The following NSUN5 variants were observed in gnomAD, a reference collection of about 807,000 sequenced individuals.
NSUN5 encodes the protein 28S rRNA (cytosine-C(5))-methyltransferase.
A neutral mutation model predicts 51.1 loss-of-function variants in NSUN5; 39 were observed. The ratio of observed to expected loss-of-function variants is 0.76; its 90% CI spans 0.59 to 1.00. NSUN5 has a LOEUF of 1.00. NSUN5 is among the 50% of genes least tolerant of loss of function. The pLI is 0.00. For synonymous variants in NSUN5, 266 were observed against 271.5 expected (o/e 0.98, Z 0.20); for missense variants, 526 against 614.0 (o/e 0.86, Z 1.51).
Position 73,303,626 on chromosome 7 carries a change from A to G in NSUN5, c.1260T>C (p.Ala420=). The change falls in exon 9 of 10, where the codon GCT becomes GCC. Residue 420 remains alanine, a synonymous_variant. Transcript: ENST00000438747. ...TTGGCACCTCGACCCGTTCAATTAC[A>G]GCAACGAAGAAGCCACTGCTGAGTG... ...ETTLSSGFFV[A]VIERVEVPSS... 4 of 1,614,190 alleles carry G rather than the reference A, an allele frequency of 2.5e-6. No individual in the cohort carries two copies. The highest frequency in any genetic ancestry group is 3.4e-6 in the Non-Finnish European group (4 of 1,180,022).
In NSUN5 at chr7:73,304,055, C is replaced by T. The variant is rs782512255; in HGVS notation, c.935-19G>A. ...GGCATACCTAAGGAAAAGAGTGTCT[C>T]TGTTACATAGCTTCACAGGCTACCT... On this transcript the variant is annotated intron_variant, in intron 7 of 9. Transcript: ENST00000438747. 1 of 1,612,426 alleles carries T rather than the reference C, an allele frequency of 6.2e-7. No homozygotes were observed. The highest frequency in any genetic ancestry group is 1.7e-5 in the Admixed American group (1 of 60,006).
Position 73,303,657 on chromosome 7 carries a change from T to C in NSUN5, c.1229A>G (p.Glu410Gly). The C allele has an allele frequency of 6.2e-7, 1 of 1,614,114 alleles. No homozygotes were observed. The highest frequency in any genetic ancestry group is 8.5e-7 in the Non-Finnish European group (1 of 1,180,004). ...GAAGAAGCCACTGCTGAGTGTGGTC[T>C]CAGGGGAGGCCCGGAGGCAGTGCTC... is the stretch of plus-strand genomic sequence containing the variant. ...GAEHCLRASP[E>G]TTLSSGFFVA... The change falls in exon 9 of 10, where the codon GAG becomes GGG. Residue 410 changes from glutamate (E) to glycine (G), a missense_variant. Physicochemically the swap from Glu to Gly is moderately conservative, Grantham distance 98. Transcript: ENST00000438747.
intron 6 of NSUN5, 118 bp from the exon 7 acceptor site, chr7:73,304,526 G>A: frequency 9.3e-7 from 1 of 1,071,110 alleles, no homozygotes; most frequent in Non-Finnish European, 1.4e-6. Flanking sequence ...ACGTTTAAAG[G>A]GCTCACAGTC....
rs559140138 is a variant in NSUN5, at chr7:73,303,354, C to T, written c.*61G>A. 33 of 1,613,890 alleles carry T rather than the reference C, an allele frequency of 2.0e-5. No homozygotes were observed. The Admixed American group carries it at 2.2e-4, about 11-fold the overall frequency. ...CTTCCTGCGGTGAGGGCCCAGGGTC[C>T]TCCACGGAGAGGACAGGCATCTTCC... On this transcript the variant is annotated 3_prime_UTR_variant, in exon 10 of 10. Transcript: ENST00000438747.
Position 73,303,698 on chromosome 7 carries a change from G to A in NSUN5, c.1188C>T (p.Ser396=). ...ALPAWPHRGL[S]TFPGAEHCLR... Reference sequence around the variant, plus strand: ...GGCAGTGCTCGGCACCCGGGAACGTGCTCAGGCCTCGGTGGGGCCAGGCAG... The same window carrying A: ...GGCAGTGCTCGGCACCCGGGAACGTACTCAGGCCTCGGTGGGGCCAGGCAG... The change falls in exon 9 of 10, where the codon AGC becomes AGT. Residue 396 remains serine (S), a synonymous_variant. Transcript: ENST00000438747. 6.2e-7 allele frequency: 1 copy of A among 1,614,194 alleles called. No homozygotes were observed. The highest frequency in any genetic ancestry group is 8.5e-7 in the Non-Finnish European group (1 of 1,180,038).
chr7:73,303,671 G>A lies in NSUN5; in HGVS notation c.1215C>T (p.Leu405=), dbSNP rs1218318739. 3.1e-6 allele frequency: 5 copies of A among 1,614,064 alleles called. No individual in the cohort carries two copies. Among genetic ancestry groups the A allele is most frequent in the Non-Finnish European group, 4.2e-6 (5 of 1,180,030 alleles). The change falls in exon 9 of 10, where the codon CTC becomes CTT. Residue 405 remains leucine, a synonymous_variant. Coordinates refer to ENST00000438747, the MANE Select transcript of NSUN5 (RefSeq NM_148956.4). The part of the protein sequence containing the change: ...LSTFPGAEHC[L]RASPETTLSS... Reference sequence around the variant, plus strand: ...TGAGTGTGGTCTCAGGGGAGGCCCGGAGGCAGTGCTCGGCACCCGGGAACG... The same window carrying A: ...TGAGTGTGGTCTCAGGGGAGGCCCGAAGGCAGTGCTCGGCACCCGGGAACG...
At chr7:73,306,540 A>G (rs1363299593) in intron 4 of NSUN5, among the ~76,000 whole-genome samples, 1 of 152,242 alleles carries the variant, frequency 6.6e-6, no homozygotes, top group Admixed American at 6.5e-5. Flanking sequence ...GGTCATCCCA[A>G]TAAGAAATGA....
At position 73,303,033 on chromosome 7, in the gene NSUN5, G is replaced by A; in HGVS notation, c.*382C>T. ...CTAGTTTACCTCAGTTCCGCAGGCA[G>A]GACAGCCGGTCCGGGAACCCTGAGT... On this transcript the variant is annotated 3_prime_UTR_variant, in exon 10 of 10. Coordinates refer to ENST00000438747, the MANE Select transcript of NSUN5 (RefSeq NM_148956.4). 1 of 1,305,578 alleles carries A rather than the reference G, an allele frequency of 7.7e-7. No individual in the cohort carries two copies. The allele number at this position is 1,305,578 out of a possible 1,614,324, so 80.9% of individuals were successfully genotyped here.
At chr7:73,305,528 G>A (rs1348133578) in intron 4 of NSUN5, among the ~76,000 whole-genome samples, 1 of 148,338 alleles carries the variant, frequency 6.7e-6, no homozygotes. Flanking sequence ...GCAGTGGCGC[G>A]ATCTCGGCTC....
chr7:73,305,534 G>A (rs1554541718), intron 4 of NSUN5, among the ~76,000 whole-genome samples: 1 of 146,864 alleles, frequency 6.8e-6, no homozygotes. Flanking sequence ...GCGCGATCTC[G>A]GCTCACTGCA....
chr7:73,303,051 C>T lies in NSUN5; in HGVS notation c.*364G>A. On this transcript the variant is annotated 3_prime_UTR_variant, in exon 10 of 10. Coordinates refer to ENST00000438747, the MANE Select transcript of NSUN5 (RefSeq NM_148956.4). The stretch of plus-strand genomic sequence containing the variant: ...GCAGGCAGGACAGCCGGTCCGGGAA[C>T]CCTGAGTGAGTGTGAGTGTGGATGT... 1 of 1,342,808 alleles carries T rather than the reference C, an allele frequency of 7.4e-7. No individual in the cohort carries two copies. Among genetic ancestry groups the T allele is most frequent in the Non-Finnish European group, 9.6e-7 (1 of 1,044,702 alleles). 83.2% of individuals were successfully genotyped at this position (1,342,808 alleles called of 1,614,324 possible). A position where few individuals can be genotyped will look rare whatever the true frequency, so the allele number is the denominator to read the frequency against.
intron 4 of NSUN5, among the ~76,000 whole-genome samples, chr7:73,306,045 T>C (rs1184230396): frequency 6.6e-6 from 1 of 152,024 alleles, no homozygotes; most frequent in African/African-American, 2.4e-5. Context: ...CCGTGGCAGA[T>C]GGACCTGAGA....
chr7:73,308,359 C>A, intron 2 of NSUN5, 72 bp downstream of exon 2: 2 of 1,515,186 alleles, frequency 1.3e-6, no homozygotes, highest in Non-Finnish European at 8.9e-7. Context: ...CCGTGCACGG[C>A]AGCAGAGCTG....
intron 4 of NSUN5, 145 bp downstream of exon 4, chr7:73,307,249 A>C (rs1804075688): frequency 1.6e-6 from 1 of 623,404 alleles, no homozygotes; most frequent in Admixed American, 2.9e-5. Context: ...AAGGGATGGC[A>C]GGAAGACAAA....
chr7:73,305,733 G>A (rs1212780150), intron 4 of NSUN5, among the ~76,000 whole-genome samples: 2 of 151,988 alleles, frequency 1.3e-5, no homozygotes, highest in Admixed American at 6.5e-5. Flanking sequence ...AAGGAGTCCC[G>A]CCGACTCTCC....
At position 73,304,346 on chromosome 7, in the gene NSUN5, C is replaced by T. The variant is rs113605106; in HGVS notation, c.818G>A (p.Arg273Gln). 2,189 of 1,614,070 alleles carry T rather than the reference C, an allele frequency of 1.4e-3. 15 individuals are homozygous for T. In the African/African-American group the frequency reaches 0.018, roughly 13 times the overall value. The change falls in exon 7 of 10, where the codon CGG becomes CAG. Residue 273 changes from arginine to glutamine, a missense_variant. By Grantham distance (43) the Arg-to-Gln change is conservative (BLOSUM62 1). Coordinates refer to ENST00000438747, the MANE Select transcript of NSUN5 (RefSeq NM_148956.4). The stretch of plus-strand genomic sequence containing the variant: ...CAGTTCACAGCAAGAGACGCCAGCC[C>T]GGGCCAGCAGCGTGGCCATGGATGC... ...RLASMATLLA[R>Q]AGVSCCELAE...
At chr7:73,304,085 C>T (rs782420860) in intron 7 of NSUN5, 49 bp from the exon 8 acceptor site, 9 of 1,598,340 alleles carry the variant, frequency 5.6e-6, no homozygotes, top group Non-Finnish European at 6.9e-6. Context: ...CTACCTCAGT[C>T]CTGAAATCCT....
In NSUN5 at chr7:73,308,520, T is replaced by C; in HGVS notation, c.127A>G (p.Thr43Ala). 1 of 1,603,452 alleles carries C rather than the reference T, an allele frequency of 6.2e-7. No individual in the cohort carries two copies. Among genetic ancestry groups the C allele is most frequent in the Non-Finnish European group, 8.5e-7 (1 of 1,172,782 alleles). Residue 43 changes from threonine (T) to alanine (A), a missense_variant, in exon 2 of 10, where the codon ACG becomes GCG. Transcript: ENST00000438747. The part of the protein sequence containing the change: ...VKQLYALVCE[T>A]QRYSAVLDAV... The stretch of plus-strand genomic sequence containing the variant: ...TCCAGCACGGCGGAGTAGCGCTGCG[T>C]TTCGCACACCAGCGCGTACAGCTGC...
chr7:73,305,368 G>T (rs1369798024), intron 4 of NSUN5, among the ~76,000 whole-genome samples: 2 of 151,970 alleles, frequency 1.3e-5, no homozygotes, highest in African/African-American at 4.8e-5. Context: ...GTAGGTGTGG[G>T]GATTCAATGA....
Sources: allele counts gnomAD v4.1 joint callset (sites outside exome capture counted in the v4.1 genomes callset), GRCh38; gene constraint gnomAD v4.1.1; transcripts MANE v1.5; gene names NCBI Gene and HGNC (gene_info 2026-07-23, HGNC 2026-07-21).